RNF175: variants seen among roughly 807,000 people sequenced by gnomAD.
The protein encoded by RNF175 is ring finger protein 175.
RNF175 carries 38 observed loss-of-function variants against 50.0 expected under a neutral mutation model. That is an observed-to-expected ratio of 0.76 (90% CI 0.59 to 1.00). The LOEUF is 1.00. Among genes scored for constraint, RNF175 ranks in the 50% least tolerant of loss-of-function variants. The probability of loss-of-function intolerance (pLI) is 0.00; values close to 1 mark genes in which losing one functional copy is unlikely to be tolerated. For missense variants in RNF175, 388 were observed against 409.6 expected (o/e 0.95, Z 0.46); for synonymous variants, 155 against 146.1 (o/e 1.06, Z -0.44).
intron 3 of RNF175, among the ~76,000 whole-genome samples, chr4:153,740,880 G>T (rs1021930364): frequency 2.0e-5 from 3 of 152,216 alleles, no homozygotes; most frequent in African/African-American, 7.2e-5. Flanking sequence ...TTGGCTAGGA[G>T]TTGGGCTGTG....
intron 6 of RNF175, 58 bp downstream of exon 6, chr4:153,720,126 G>A: frequency 6.4e-7 from 1 of 1,573,578 alleles, no homozygotes; most frequent in Non-Finnish European, 8.7e-7. Context: ...AGACATGTAA[G>A]ATGAGACCAT....
chr4:153,715,749 C>T lies in RNF175; in HGVS notation c.631-87G>A, dbSNP rs1047006612. On this transcript the variant is annotated intron_variant, in intron 6 of 8. Transcript: ENST00000347063. ...AGGAAGCCACTGCCAGGCACTGGGA[C>T]AGGCAGCCCTTGGCACATAGAATCT... 6 of 1,412,636 alleles carry T rather than the reference C, an allele frequency of 4.2e-6. No homozygotes were observed. The African/African-American group carries it at 8.5e-5, about 20-fold the overall frequency. 87.5% of individuals were successfully genotyped at this position (1,412,636 alleles called of 1,614,324 possible). A position where few individuals can be genotyped will look rare whatever the true frequency, so the allele number is the denominator to read the frequency against.
intron 6 of RNF175, among the ~76,000 whole-genome samples, chr4:153,719,401 T>C (rs1208836523): frequency 1.1e-4 from 16 of 152,222 alleles, no homozygotes; most frequent in Admixed American, 1.0e-3. Flanking sequence ...TTTTTCTACT[T>C]CACATCTGGC....
chr4:153,750,669 C>CAA (rs56915236), intron 2 of RNF175, among the ~76,000 whole-genome samples: 1 of 151,874 alleles, frequency 6.6e-6, no homozygotes, highest in African/African-American at 2.4e-5. Flanking sequence ...AACAAACAAG[C>CAA]AAAAAAACAA....
chr4:153,722,757 T>A (rs1376585566), intron 5 of RNF175, among the ~76,000 whole-genome samples: 1 of 111,340 alleles, frequency 9.0e-6, no homozygotes, highest in Non-Finnish European at 2.0e-5. Context: ...GGTAGGTGCA[T>A]TTAATAAGTC....
chr4:153,740,019 G>T (rs1428025886), intron 3 of RNF175, among the ~76,000 whole-genome samples: 1 of 151,858 alleles, frequency 6.6e-6, no homozygotes, highest in Non-Finnish European at 1.5e-5. Flanking sequence ...TAGATATCCT[G>T]TTCTATTTTC....
intron 1 of RNF175, 43 bp downstream of exon 1, chr4:153,759,753 AC>A (rs1472961148): frequency 3.0e-6 from 4 of 1,332,062 alleles, no homozygotes; most frequent in South Asian, 2.8e-5. Context: ...GAGCCCCGGG[AC>A]CCCGGCCTGG....
chr4:153,757,045 C>T (rs1011255466), intron 1 of RNF175, among the ~76,000 whole-genome samples: 1 of 152,190 alleles, frequency 6.6e-6, no homozygotes, highest in African/African-American at 2.4e-5. Context: ...AGCCTCCCCT[C>T]TCTCCACTGC....
intron 8 of RNF175, 77 bp from the exon 9 acceptor site, chr4:153,710,566 A>G (rs1737501974): frequency 7.3e-7 from 1 of 1,374,386 alleles, no homozygotes; most frequent in East Asian, 2.4e-5. Context: ...TGCAAATATA[A>G]TAAACAATGT....
intron 4 of RNF175, among the ~76,000 whole-genome samples, chr4:153,725,074 G>T (rs902258511): frequency 1.4e-5 from 2 of 139,454 alleles, no homozygotes; most frequent in Admixed American, 7.1e-5. Context: ...TGAGCTGCGT[G>T]GGGGAGCGGG....
intron 6 of RNF175, 70 bp downstream of exon 6, chr4:153,720,114 G>A (rs994390096): frequency 2.3e-5 from 35 of 1,496,660 alleles, no homozygotes; most frequent in Non-Finnish European, 3.1e-5. Flanking sequence ...GAAAATGGAT[G>A]CAGACATGTA....
chr4:153,755,563 C>G (rs13109579), intron 1 of RNF175, among the ~76,000 whole-genome samples: 11,501 of 127,976 alleles, frequency 0.09, 606 homozygotes, highest in South Asian at 0.2. Context: ...TTGAAGAACT[C>G]AGAAAGAATT....
chr4:153,747,886 A>T (rs539198163), intron 3 of RNF175, among the ~76,000 whole-genome samples: 1 of 152,372 alleles, frequency 6.6e-6, no homozygotes, highest in African/African-American at 2.4e-5. Context: ...AATAATAAAC[A>T]GCAATGTATT....
At chr4:153,725,902 T>C (rs1214338249) in intron 4 of RNF175, among the ~76,000 whole-genome samples, 1 of 152,190 alleles carries the variant, frequency 6.6e-6, no homozygotes, top group Non-Finnish European at 1.5e-5. Context: ...CGGGTACCTA[T>C]TTTCAGGAAC....
At chr4:153,737,222 A>G (rs1483775388) in intron 3 of RNF175, among the ~76,000 whole-genome samples, 1 of 151,918 alleles carries the variant, frequency 6.6e-6, no homozygotes, top group Non-Finnish European at 1.5e-5. Flanking sequence ...TAGTCTGGCT[A>G]GAGGTTTATC....
At position 153,726,073 on chromosome 4, in the gene RNF175, ATGTG is replaced by A. The variant is rs10592509; in HGVS notation, c.401+2130_401+2133del. 1.9e-4 allele frequency among the ~76,000 whole-genome samples: 28 copies of A among 148,966 alleles called. No individual in the cohort carries two copies. The South Asian group carries it at 2.6e-3, about 14-fold the overall frequency. On this transcript the variant is annotated intron_variant, in intron 4 of 8. Coordinates refer to ENST00000347063, the MANE Select transcript of RNF175 (RefSeq NM_173662.4). ...CCAGCTCTTTGTGGCTAGTGTGTGT[ATGTG>A]TGTGTGTGTGTGTGTGTGTGTTTTG...
intron 3 of RNF175, 184 bp downstream of exon 3, chr4:153,748,461 T>G (rs1363791861): frequency 6.2e-6 from 3 of 486,408 alleles, no homozygotes; most frequent in Admixed American, 4.1e-5. Flanking sequence ...GTCTTGACAG[T>G]CAAAAATGTT....
rs56211482 is a variant in RNF175, at chr4:153,734,665, C to CTTTTTTTTTTTTT, written c.247-6317_247-6305dup. Among the ~76,000 whole-genome samples the CTTTTTTTTTTTTT allele has an allele frequency of 1.8e-3, 134 of 73,176 alleles. 3 individuals are homozygous for CTTTTTTTTTTTTT. Among genetic ancestry groups the CTTTTTTTTTTTTT allele is most frequent in the Middle Eastern group, 0.011 (1 of 90 alleles). The allele number at this position is 73,176 out of a possible 152,430, so 48.0% of individuals were successfully genotyped here. On this transcript the variant is annotated intron_variant, in intron 3 of 8. Transcript: ENST00000347063. ...TCCAAGTCTGGCTTGTTTTTTTATT[C>CTTTTTTTTTTTTT]TTTTTTTTTTTTTTTTTTTTTTTTT... is the stretch of plus-strand genomic sequence containing the variant.
At chr4:153,735,225 C>CTTT (rs1739291740) in intron 3 of RNF175, among the ~76,000 whole-genome samples, 2 of 136,392 alleles carry the variant, frequency 1.5e-5, no homozygotes, top group Non-Finnish European at 1.7e-5. Flanking sequence ...GTGTCTGTGT[C>CTTT]TATTTTTTTT....
Sources: allele counts gnomAD v4.1 joint callset (sites outside exome capture counted in the v4.1 genomes callset), GRCh38; gene constraint gnomAD v4.1.1; transcripts MANE v1.5; gene names NCBI Gene and HGNC (gene_info 2026-07-23, HGNC 2026-07-21).